CNTRL: variants seen among roughly 807,000 people sequenced by gnomAD.
CNTRL encodes centriolin.
Under a neutral mutation model 303.7 loss-of-function variants are expected in CNTRL, and 233 were observed. The observed-to-expected ratio is 0.77, with a 90% CI of 0.69 to 0.86. CNTRL has a LOEUF of 0.86. Ranked by LOEUF, CNTRL falls within the 40% of genes least tolerant of loss-of-function variation. The pLI is 0.00. For synonymous variants in CNTRL, 900 were observed against 922.2 expected, an observed-to-expected ratio of 0.98 and a Z score of 0.44; for missense variants, 2,524 against 2,650.6, an observed-to-expected ratio of 0.95 and a Z score of 1.05.
chr9:121,162,436 CTTT>C (rs373673435), intron 34 of CNTRL, 165 bp downstream of exon 34: 354 of 532,420 alleles, frequency 6.6e-4, no homozygotes, highest in East Asian at 7.8e-4. Flanking sequence ...TTCCTTCTAG[CTTT>C]TTTTTTTTTT....
chr9:121,145,217 C>T (rs900930111), intron 21 of CNTRL, 27 bp from the exon 22 acceptor site: 1 of 1,594,056 alleles, frequency 6.3e-7, no homozygotes, highest in African/African-American at 1.4e-5. Context: ...TCATTGGCAA[C>T]TTTGTATGTG....
chr9:121,102,625 A>C, intron 7 of CNTRL, among the ~76,000 whole-genome samples: 1 of 152,220 alleles, frequency 6.6e-6, no homozygotes, highest in East Asian at 1.9e-4. Flanking sequence ...TTTGCAGATG[A>C]CGTGATTGTA....
chr9:121,167,413 A>C, intron 36 of CNTRL, 76 bp from the exon 37 acceptor site: 2 of 1,143,060 alleles, frequency 1.7e-6, no homozygotes, highest in Non-Finnish European at 2.5e-6. Context: ...CAGACTTAGT[A>C]GATACTGGAT....
chr9:121,123,469 C>T (rs1396951809), intron 12 of CNTRL, among the ~76,000 whole-genome samples: 1 of 152,024 alleles, frequency 6.6e-6, no homozygotes, highest in Non-Finnish European at 1.5e-5. Context: ...TGTGGTGGCC[C>T]GCACCTGTAG....
chr9:121,171,389 T>C lies in CNTRL; in HGVS notation c.6277-19T>C. On this transcript the variant is annotated intron_variant, in intron 39 of 43. Coordinates refer to ENST00000373855, the MANE Select transcript of CNTRL (RefSeq NM_007018.6). ...TCCATGTGTTAGATCGCAGAGTTAT[T>C]TTCTTCCTCCTGTGCTAGGAGCAAA... The C allele has an allele frequency of 6.2e-7, 1 of 1,613,690 alleles. No individual in the cohort carries two copies.
In CNTRL at chr9:121,147,627, A is replaced by T. The variant is rs536711155; in HGVS notation, c.3460-1045A>T. On this transcript the variant is annotated intron_variant, in intron 23 of 43. Transcript: ENST00000373855. ...GAAGTGAGGAGAAGACTGGGGCCTG[A>T]ATGTTGAAAGTGAGGAGAAGACTAT... Among the ~76,000 whole-genome samples, 6 of 152,218 alleles carry T rather than the reference A, an allele frequency of 3.9e-5. No homozygotes were observed. In the East Asian group the frequency reaches 1.2e-3, roughly 29 times the overall value.
intron 26 of CNTRL, among the ~76,000 whole-genome samples, chr9:121,153,486 CCT>C (rs1390647642): frequency 1.3e-5 from 2 of 152,056 alleles, no homozygotes; most frequent in Non-Finnish European, 2.9e-5. Flanking sequence ...TCAGAGATCC[CCT>C]CTCTTTTTTT....
chr9:121,133,731 C>T (rs935611721), intron 14 of CNTRL, among the ~76,000 whole-genome samples: 1 of 152,200 alleles, frequency 6.6e-6, no homozygotes, highest in Non-Finnish European at 1.5e-5. Context: ...CCGTCGTCTG[C>T]GTCGATCACG....
At position 121,177,260 on chromosome 9, in the gene CNTRL, A is replaced by C; in HGVS notation, c.*74A>C. The C allele has an allele frequency of 7.7e-7, 1 of 1,301,088 alleles. No individual in the cohort carries two copies. The highest frequency in any genetic ancestry group is 1.1e-6 in the Non-Finnish European group (1 of 908,510). The allele number at this position is 1,301,088 out of a possible 1,614,324, so 80.6% of individuals were successfully genotyped here. On this transcript the variant is annotated 3_prime_UTR_variant, in exon 44 of 44. Coordinates refer to ENST00000373855, the MANE Select transcript of CNTRL (RefSeq NM_007018.6). ...TCACTGACTTCATAATTGGAATGTC[A>C]CATGGTTTTTTTAATCAAGATGCAG...
At chr9:121,081,190 C>T (rs1048632731) in intron 2 of CNTRL, among the ~76,000 whole-genome samples, 3 of 152,174 alleles carry the variant, frequency 2.0e-5, no homozygotes, top group Non-Finnish European at 4.4e-5. Context: ...TGGGAGTTTG[C>T]AGGAAGTTTC....
At chr9:121,144,184 A>T (rs1400207374) in intron 20 of CNTRL, 102 bp downstream of exon 20, 1 of 993,394 alleles carries the variant, frequency 1.0e-6, no homozygotes, top group Non-Finnish European at 1.4e-6. Context: ...GTTATTTTAT[A>T]AACCACTGTA....
In CNTRL at chr9:121,125,756, A is replaced by C; in HGVS notation, c.1845A>C (p.Glu615Asp). The change falls in exon 14 of 44, where the codon GAA becomes GAC. Residue 615 changes from glutamate (E) to aspartate (D), a missense_variant. Transcript: ENST00000373855. ...AANEALKKDL[E>D]GVISGLQEYL... ...ATGAAGCCCTGAAGAAGGATTTAGA[A>C]GGTGTTATCAGTGGGTTGCAAGAAT... 6.2e-7 allele frequency: 1 copy of C among 1,614,210 alleles called. No individual in the cohort carries two copies. The highest frequency in any genetic ancestry group is 1.3e-5 in the African/African-American group (1 of 75,056).
In CNTRL at chr9:121,141,364, T is replaced by C; in HGVS notation, c.2484-17T>C. On this transcript the variant is annotated splice_polypyrimidine_tract_variant and intron_variant, in intron 17 of 43. Coordinates refer to ENST00000373855, the MANE Select transcript of CNTRL (RefSeq NM_007018.6). ...ATTAAATGTCACATTTATACCATTT[T>C]TCCCCCTCCTTACTAGCATCCATAG... The C allele has an allele frequency of 1.3e-6, 2 of 1,584,470 alleles. No homozygotes were observed.
chr9:121,117,896 G>A (rs536380351), intron 11 of CNTRL, among the ~76,000 whole-genome samples: 8 of 151,728 alleles, frequency 5.3e-5, no homozygotes, highest in East Asian at 1.9e-4. Context: ...GGAGAATGGC[G>A]TGAACCCGGG....
chr9:121,112,993 A>G (rs1480004177), intron 9 of CNTRL, among the ~76,000 whole-genome samples: 2 of 152,230 alleles, frequency 1.3e-5, no homozygotes, highest in Non-Finnish European at 2.9e-5. Context: ...TACAAATGCC[A>G]TAAATGTCAC....
At chr9:121,165,728 A>G (rs1478206661) in intron 35 of CNTRL, among the ~76,000 whole-genome samples, 1 of 152,236 alleles carries the variant, frequency 6.6e-6, no homozygotes, top group African/African-American at 2.4e-5. Flanking sequence ...GTGACTTGCT[A>G]GAGGTCACAC....
chr9:121,172,252 T>C (rs1429362970), intron 40 of CNTRL, among the ~76,000 whole-genome samples: 1 of 152,246 alleles, frequency 6.6e-6, no homozygotes. Flanking sequence ...GTAAGGCAAT[T>C]AGCAGTAGGT....
At chr9:121,141,984 TAA>T in intron 18 of CNTRL, 105 bp from the exon 19 acceptor site, 2 of 879,078 alleles carry the variant, frequency 2.3e-6, no homozygotes, top group Non-Finnish European at 3.4e-6. Flanking sequence ...AGTAAAAAAT[TAA>T]GTTACAGCCT....
At position 121,169,687 on chromosome 9, in the gene CNTRL, T is replaced by G; in HGVS notation, c.6147T>G (p.Asp2049Glu). Reference sequence around the variant, plus strand: ...TGTTGGCCCTCCAGAAAGAGGCAGATTCTATGAGGGCAGACTTCAGCCTTC... The same window carrying G: ...TGTTGGCCCTCCAGAAAGAGGCAGAGTCTATGAGGGCAGACTTCAGCCTTC... ...GELLALQKEADSMRADFSLLR... is the reference protein window; with the variant it reads ...GELLALQKEAESMRADFSLLR... The change falls in exon 39 of 44, where the codon GAT (aspartate) becomes GAG (glutamate). Residue 2049 changes from aspartate (D) to glutamate (E), a missense_variant. Asp to Glu is a conservative substitution (Grantham distance 45). Transcript: ENST00000373855. 10 of 1,614,106 alleles carry G rather than the reference T, an allele frequency of 6.2e-6. No homozygotes were observed. The highest frequency in any genetic ancestry group is 3.4e-6 in the Non-Finnish European group (4 of 1,180,022).
Sources: allele counts gnomAD v4.1 joint callset (sites outside exome capture counted in the v4.1 genomes callset), GRCh38; gene constraint gnomAD v4.1.1; transcripts MANE v1.5; gene names NCBI Gene and HGNC (gene_info 2026-07-23, HGNC 2026-07-21).